The following NCKAP5 variants were observed in gnomAD, a reference collection of about 807,000 sequenced individuals.
NCKAP5 encodes nck-associated protein 5.
A neutral mutation model predicts 167.0 loss-of-function variants in NCKAP5; 92 were observed. The ratio of observed to expected loss-of-function variants is 0.55; its 90% confidence interval spans 0.47 to 0.66. NCKAP5 has a LOEUF of 0.66. Among genes scored for constraint, NCKAP5 ranks in the 30% least tolerant of loss-of-function variants. NCKAP5 has a pLI of 0.00. For missense variants in NCKAP5, 2,378 were observed against 2,315.0 expected (o/e 1.03, Z -0.56); for synonymous variants, 891 against 877.4 (o/e 1.02, Z -0.27).
At chr2:133,009,391 G>A (rs976639992) in intron 6 of NCKAP5, among the ~76,000 whole-genome samples, 2 of 151,846 alleles carry the variant, frequency 1.3e-5, no homozygotes, top group Non-Finnish European at 2.9e-5. Context: ...TGTTTATCTT[G>A]TGTAGATGGA....
At position 132,918,271 on chromosome 2, in the gene NCKAP5, T is replaced by C. The variant is rs115881669; in HGVS notation, c.580-39355A>G. 8.1e-3 allele frequency among the ~76,000 whole-genome samples: 1,227 copies of C among 152,328 alleles called. 12 individuals carry two copies. Among genetic ancestry groups the C allele is most frequent in the Non-Finnish European group, 0.014 (959 of 68,024 alleles). ...CAGCCACAAGGAAAGGCTGGTTTTT[T>C]TCTGAAAGGTAGTACTCAAAGCAAT... On this transcript the variant is annotated intron_variant, in intron 8 of 19. Transcript: ENST00000409261.
Position 132,867,767 on chromosome 2 carries a change from G to A in NCKAP5, c.687+1169C>T, listed in dbSNP as rs188590221. On this transcript the variant is annotated intron_variant, in intron 10 of 19. Transcript: ENST00000409261. ...TGGAGCAAAGTTACCATTCCTGTTC[G>A]GCCTACCTGTCGGTTTATATGTGAG... Among the ~76,000 whole-genome samples, 433 of 152,100 alleles carry A rather than the reference G, an allele frequency of 2.8e-3. 4 individuals are homozygous for A. Among genetic ancestry groups the A allele is most frequent in the Non-Finnish European group, 4.3e-3 (290 of 67,968 alleles).
intron 9 of NCKAP5, among the ~76,000 whole-genome samples, chr2:132,872,326 C>G (rs1166798878): frequency 6.6e-6 from 1 of 152,190 alleles, no homozygotes; most frequent in African/African-American, 2.4e-5. Flanking sequence ...CTCAGACAAT[C>G]TAGCTCCTCT....
At chr2:132,916,765 A>G (rs1466993475) in intron 8 of NCKAP5, among the ~76,000 whole-genome samples, 1 of 151,966 alleles carries the variant, frequency 6.6e-6, no homozygotes, top group Non-Finnish European at 1.5e-5. Context: ...CATCACTACA[A>G]TTTTACTGTG....
At chr2:133,124,605 C>T (rs1433351002) in intron 6 of NCKAP5, among the ~76,000 whole-genome samples, 1 of 152,174 alleles carries the variant, frequency 6.6e-6, no homozygotes, top group African/African-American at 2.4e-5. Context: ...GACAGAAGTC[C>T]TCTTTATTTA....
intron 16 of NCKAP5, 99 bp from the exon 17 acceptor site, chr2:132,732,150 A>T: frequency 8.7e-7 from 1 of 1,148,036 alleles, no homozygotes; most frequent in South Asian, 1.7e-5. Context: ...GAAAGGAGAC[A>T]CCTAGAAGGG....
At chr2:133,128,229 G>A (rs980328373) in intron 6 of NCKAP5, among the ~76,000 whole-genome samples, 14 of 152,204 alleles carry the variant, frequency 9.2e-5, no homozygotes, top group Admixed American at 2.0e-4. Context: ...GACCCACACA[G>A]TTTTCTCATG....
chr2:132,751,947 A>G lies in NCKAP5; in HGVS notation c.5129-19896T>C, dbSNP rs143036369. 5.3e-5 allele frequency among the ~76,000 whole-genome samples: 8 copies of G among 152,348 alleles called. No individual in the cohort carries two copies. In the East Asian group the frequency reaches 1.5e-3, roughly 29 times the overall value. On this transcript the variant is annotated intron_variant, in intron 16 of 19. Transcript: ENST00000409261. ...GGTTCAAGGGGGAAAAGACCATTTC[A>G]TCTGAGTTCCCTGGCAGACCAGTCT... is the stretch of plus-strand genomic sequence containing the variant.
At chr2:133,106,774 T>C (rs113176960) in intron 6 of NCKAP5, among the ~76,000 whole-genome samples, 6 of 152,166 alleles carry the variant, frequency 3.9e-5, no homozygotes, top group Admixed American at 3.9e-4. Flanking sequence ...TTTGAAAAAT[T>C]TTATTGACTC....
intron 3 of NCKAP5, among the ~76,000 whole-genome samples, chr2:133,493,262 T>C (rs1681626467): frequency 1.3e-5 from 2 of 152,178 alleles, no homozygotes; most frequent in African/African-American, 4.8e-5. Context: ...TGTATAACAG[T>C]TGACAGGCAT....
At chr2:133,582,342 T>C in the NCKAP5 span, among the ~76,000 whole-genome samples, 1 of 152,182 alleles carries the variant, frequency 6.6e-6, no homozygotes, top group African/African-American at 2.4e-5. Flanking sequence ...GGCTGAAAAC[T>C]GTCCTGGCTG....
the NCKAP5 span, among the ~76,000 whole-genome samples, chr2:133,601,154 G>A: frequency 2.6e-5 from 4 of 152,210 alleles, no homozygotes. Context: ...TGTGGTTCAT[G>A]CAGGCTAAAC....
chr2:133,586,299 A>G, the NCKAP5 span, among the ~76,000 whole-genome samples: 1 of 151,998 alleles, frequency 6.6e-6, no homozygotes, highest in South Asian at 2.1e-4. Context: ...TCCACCCTGA[A>G]CCCTCAGTCA....
intron 2 of NCKAP5, among the ~76,000 whole-genome samples, chr2:133,555,956 A>G (rs961115951): frequency 1.3e-5 from 2 of 152,234 alleles, no homozygotes; most frequent in Non-Finnish European, 2.9e-5. Flanking sequence ...ATAAAGTTAT[A>G]ATTAAACACA....
intron 15 of NCKAP5, among the ~76,000 whole-genome samples, chr2:132,775,363 T>C (rs931290140): frequency 6.6e-6 from 1 of 152,218 alleles, no homozygotes; most frequent in Non-Finnish European, 1.5e-5. Context: ...ATCTGTACCA[T>C]GCTGATAGCC....
the NCKAP5 span, among the ~76,000 whole-genome samples, chr2:133,671,781 A>G: frequency 6.6e-6 from 1 of 152,232 alleles, no homozygotes; most frequent in Non-Finnish European, 1.5e-5. Context: ...TGAGACTATC[A>G]GCTTCCTGAT....
intron 8 of NCKAP5, among the ~76,000 whole-genome samples, chr2:132,909,048 T>C (rs1258719790): frequency 6.6e-6 from 1 of 152,070 alleles, no homozygotes; most frequent in Admixed American, 6.6e-5. Context: ...AAAAAATCGA[T>C]TAAAAAAGAA....
intron 11 of NCKAP5, among the ~76,000 whole-genome samples, chr2:132,825,709 A>C (rs958654220): frequency 2.6e-4 from 40 of 152,246 alleles, no homozygotes; most frequent in African/African-American, 9.2e-4. Context: ...TTTAACTACT[A>C]TCCCTGGTCT....
intron 19 of NCKAP5, among the ~76,000 whole-genome samples, chr2:132,707,009 C>CCGAATTGAACAATAATCCA (rs1688422935): frequency 6.6e-6 from 1 of 152,162 alleles, no homozygotes; most frequent in African/African-American, 2.4e-5. Context: ...CGCAGGAACA[C>CCGAATTGAACAATAATCCA]CGAATTGAAC....
Sources: allele counts gnomAD v4.1 joint callset (sites outside exome capture counted in the v4.1 genomes callset), GRCh38; gene constraint gnomAD v4.1.1; transcripts MANE v1.5; gene names NCBI Gene and HGNC (gene_info 2026-07-23, HGNC 2026-07-21).